DPY19L2: variants seen among roughly 807,000 people sequenced by gnomAD.
DPY19L2 encodes dpy-19 like 2.
Under a neutral mutation model 97.9 loss-of-function variants are expected in DPY19L2, and 34 were observed. That is an observed-to-expected ratio of 0.35 (90% CI 0.26 to 0.46). DPY19L2 has a LOEUF of 0.46. Ranked by LOEUF, DPY19L2 falls within the 20% of genes least tolerant of loss-of-function variation. The pLI is 1.00. For synonymous variants in DPY19L2, 230 were observed against 307.9 expected (o/e 0.75, Z 2.65); for missense variants, 623 against 911.4 (o/e 0.68, Z 4.07).
intron 21 of DPY19L2, among the ~76,000 whole-genome samples, chr12:63,564,134 C>A (rs1294514292): frequency 6.6e-6 from 1 of 152,058 alleles, no homozygotes; most frequent in Non-Finnish European, 1.5e-5. Flanking sequence ...TGTCTTCAAT[C>A]TTTTAGTTCG....
chr12:63,656,112 TTTG>T (rs1237933810), intron 4 of DPY19L2, among the ~76,000 whole-genome samples: 2 of 152,276 alleles, frequency 1.3e-5, no homozygotes, highest in East Asian at 1.9e-4. Flanking sequence ...CTGTCTGGCT[TTTG>T]TTGTTGTTGC....
intron 21 of DPY19L2, 48 bp from the exon 22 acceptor site, chr12:63,560,710 C>G: frequency 6.2e-7 from 1 of 1,600,836 alleles, no homozygotes; most frequent in Non-Finnish European, 8.5e-7. Context: ...GTATTGCTGT[C>G]TAGAGACAAT....
intron 6 of DPY19L2, among the ~76,000 whole-genome samples, chr12:63,640,542 A>T (rs1245902315): frequency 6.6e-6 from 1 of 152,136 alleles, no homozygotes; most frequent in African/African-American, 2.4e-5. Flanking sequence ...GTCAGTGGGG[A>T]GGGTAGCCAT....
intron 4 of DPY19L2, among the ~76,000 whole-genome samples, chr12:63,650,297 A>G (rs1565840276): frequency 1.3e-5 from 2 of 152,120 alleles, no homozygotes; most frequent in South Asian, 4.1e-4. Context: ...CCTATTCAAC[A>G]TAGTACTGGA....
At chr12:63,663,723 AC>A (rs1341546916) in intron 3 of DPY19L2, 34 bp downstream of exon 3, 1 of 1,555,090 alleles carries the variant, frequency 6.4e-7, no homozygotes, top group Non-Finnish European at 8.8e-7. Flanking sequence ...CTATTCTTAA[AC>A]CACAAATTAA....
chr12:63,582,364 T>G (rs1490979801), intron 18 of DPY19L2, 42 bp downstream of exon 18: 1 of 1,592,726 alleles, frequency 6.3e-7, no homozygotes, highest in East Asian at 2.2e-5. Context: ...GTATAGCTGC[T>G]ATAGTTTTTA....
At chr12:63,564,732 T>C (rs1877313639) in intron 21 of DPY19L2, among the ~76,000 whole-genome samples, 1 of 152,170 alleles carries the variant, frequency 6.6e-6, no homozygotes, top group African/African-American at 2.4e-5. Context: ...TAAATGTCAA[T>C]TAGGTCATAT....
Position 63,560,580 on chromosome 12 carries a change from C to T in DPY19L2, c.2209G>A (p.Glu737Lys), listed in dbSNP as rs780447672. The change falls in exon 22 of 22, where the codon GAA becomes AAA. Residue 737 changes from glutamate to lysine, a missense_variant. Physicochemically the swap from Glu to Lys is moderately conservative, Grantham distance 56 (BLOSUM62 1). This residue lies in a region of DPY19L2 where 294 missense variants were observed against 446.2 expected (regional missense o/e 0.66). Coordinates refer to ENST00000324472, the MANE Select transcript of DPY19L2 (RefSeq NM_173812.5). ...GTGGTGAAGTAAGGCCTGGCGTCTT[C>T]GAGCAGGACGCTACATAAGGGAGGG... is the stretch of plus-strand genomic sequence containing the variant. ...ANPPLCSVLL[E>K]DARPYFTTVF... is the part of the protein sequence containing the mutation. The T allele has an allele frequency of 1.9e-5, 30 of 1,613,898 alleles. No individual in the cohort carries two copies. Among genetic ancestry groups the T allele is most frequent in the South Asian group, 3.3e-5 (3 of 91,080 alleles).
chr12:63,641,222 A>T (rs112024156), intron 6 of DPY19L2, among the ~76,000 whole-genome samples: 16 of 152,060 alleles, frequency 1.1e-4, no homozygotes, highest in Middle Eastern at 3.4e-3. Context: ...GAACTTTTTT[A>T]AAAAAATAGA....
In DPY19L2 at chr12:63,668,336, T is replaced by TA; in HGVS notation, c.57dup (p.Lys20Ter). 1 of 1,613,750 alleles carries TA rather than the reference T, an allele frequency of 6.2e-7. No homozygotes were observed. The highest frequency in any genetic ancestry group is 1.1e-5 in the South Asian group (1 of 91,064). On this transcript the variant is annotated frameshift_variant, in exon 1 of 22. Coordinates refer to ENST00000324472, the MANE Select transcript of DPY19L2 (RefSeq NM_173812.5). LOFTEE classifies it high-confidence loss of function. Reference sequence around the variant, plus strand: ...GCGAGGGAGGCCCCGCGCCGCCCCTTAGACTGGCTGCGGCCGGAAGATTGC... The same window carrying TA: ...GCGAGGGAGGCCCCGCGCCGCCCCTTAAGACTGGCTGCGGCCGGAAGATTGC...
chr12:63,591,993 A>AAAGAG (rs1883058964), intron 16 of DPY19L2, among the ~76,000 whole-genome samples: 1 of 17,416 alleles, frequency 5.7e-5, no homozygotes, highest in African/African-American at 3.9e-4. Context: ...AGGGAAGGGA[A>AAAGAG]GGGAGGGGAA....
At chr12:63,562,797 C>A (rs1876844530) in intron 21 of DPY19L2, among the ~76,000 whole-genome samples, 1 of 111,796 alleles carries the variant, frequency 8.9e-6, no homozygotes, top group Non-Finnish European at 1.7e-5. Context: ...GTCCTTTTGT[C>A]CTTTTTTTTT....
chr12:63,573,393 A>G (rs1372890195), intron 19 of DPY19L2, among the ~76,000 whole-genome samples: 1 of 152,072 alleles, frequency 6.6e-6, no homozygotes, highest in Non-Finnish European at 1.5e-5. Flanking sequence ...GCTTGAAAAT[A>G]CACAGAGGAG....
At chr12:63,601,410 GA>G (rs1401159347) in intron 12 of DPY19L2, among the ~76,000 whole-genome samples, 6 of 152,150 alleles carry the variant, frequency 3.9e-5, no homozygotes, top group African/African-American at 1.4e-4. Context: ...TTAGCCTGGG[GA>G]AAGTTACAGC....
chr12:63,565,760 T>G (rs560920075), intron 21 of DPY19L2, among the ~76,000 whole-genome samples: 2 of 152,254 alleles, frequency 1.3e-5, no homozygotes, highest in African/African-American at 4.8e-5. Flanking sequence ...CCTTTTCCAC[T>G]TCTTCTGCCT....
rs1390745343 is a variant in DPY19L2, at chr12:63,592,964, C to T, written c.1580+1123G>A. On this transcript the variant is annotated intron_variant, in intron 16 of 21. Transcript: ENST00000324472. ...ACAAGAAAAAAACAAACAACCCCATCAAAAAGTGGGTGAAGGACATGAACA... is the reference window on the plus strand; with the variant it reads ...ACAAGAAAAAAACAAACAACCCCATTAAAAAGTGGGTGAAGGACATGAACA... Among the ~76,000 whole-genome samples, 173 of 151,192 alleles carry T rather than the reference C, an allele frequency of 1.1e-3. 4 individuals are homozygous for T. In the East Asian group the frequency reaches 0.029, roughly 26 times the overall value.
intron 9 of DPY19L2, among the ~76,000 whole-genome samples, chr12:63,619,536 G>A (rs1347414097): frequency 6.7e-6 from 1 of 148,792 alleles, no homozygotes; most frequent in African/African-American, 2.5e-5. Context: ...TTTTGAAACT[G>A]AGTCTCACTC....
intron 14 of DPY19L2, among the ~76,000 whole-genome samples, chr12:63,597,078 TTCTCCTGTC>T (rs1305240151): frequency 5.3e-5 from 8 of 151,878 alleles, no homozygotes; most frequent in Non-Finnish European, 8.8e-5. Flanking sequence ...GTTCAAGCAA[TTCTCCTGTC>T]TCAGCCTCCT....
At chr12:63,651,970 A>C (rs1894301449) in intron 4 of DPY19L2, 2 of 297,426 alleles carry the variant, frequency 6.7e-6, no homozygotes, top group Non-Finnish European at 1.2e-5. Flanking sequence ...CTTCAAACCC[A>C]CCCACTTTCC....
Sources: allele counts gnomAD v4.1 joint callset (sites outside exome capture counted in the v4.1 genomes callset), GRCh38; gene constraint gnomAD v4.1.1; regional missense constraint gnomAD v4.1.1; transcripts MANE v1.5; gene names NCBI Gene and HGNC (gene_info 2026-07-23, HGNC 2026-07-21).